Variants in PDE1C observed in about 807,000 individuals in gnomAD.
PDE1C encodes phosphodiesterase 1C.
In PDE1C, 62 loss-of-function variants were observed where a neutral mutation model predicts 93.1. That is an observed-to-expected ratio of 0.67 (90% CI 0.54 to 0.82). The LOEUF is 0.82. PDE1C is among the 40% of genes least tolerant of loss of function. The pLI is 0.00. For synonymous variants in PDE1C, 325 were observed against 310.1 expected (o/e 1.05, Z -0.50); for missense variants, 742 against 884.6 (o/e 0.84, Z 2.04).
intron 2 of PDE1C, among the ~76,000 whole-genome samples, chr7:31,998,923 A>G (rs966370243): frequency 1.3e-5 from 2 of 152,232 alleles, no homozygotes; most frequent in African/African-American, 4.8e-5. Flanking sequence ...GTCACAGCTG[A>G]GGTTGCTGTG....
intron 2 of PDE1C, among the ~76,000 whole-genome samples, chr7:32,207,454 A>T (rs1325904410): frequency 1.3e-5 from 2 of 152,194 alleles, no homozygotes; most frequent in Non-Finnish European, 2.9e-5. Flanking sequence ...CAAGGTGGTA[A>T]AGTGAAGTAA....
intron 9 of PDE1C, among the ~76,000 whole-genome samples, chr7:31,843,055 A>G (rs1245647041): frequency 6.6e-6 from 1 of 151,896 alleles, no homozygotes; most frequent in Non-Finnish European, 1.5e-5. Context: ...TATCTTATTG[A>G]TCTCTAATTT....
chr7:32,280,097 T>G (rs775865093), intron 1 of PDE1C, among the ~76,000 whole-genome samples: 1 of 152,112 alleles, frequency 6.6e-6, no homozygotes. Flanking sequence ...AGAAGTAGAT[T>G]TGGGGAGATT....
chr7:32,307,528 C>T (rs966890479), intron 1 of PDE1C, among the ~76,000 whole-genome samples: 8 of 152,178 alleles, frequency 5.3e-5, no homozygotes, highest in Non-Finnish European at 1.0e-4. Context: ...TTGGTAAACA[C>T]AGATACTTTG....
chr7:31,901,215 C>T (rs1347694829), intron 2 of PDE1C, among the ~76,000 whole-genome samples: 1 of 147,738 alleles, frequency 6.8e-6, no homozygotes, highest in African/African-American at 2.5e-5. Flanking sequence ...AAAAATTGAA[C>T]AAAAATTTCA....
chr7:31,712,272 C>CAGTG, the PDE1C span, among the ~76,000 whole-genome samples: 2 of 133,376 alleles, frequency 1.5e-5, no homozygotes, highest in South Asian at 4.7e-4. Context: ...AAAAAATCTA[C>CAGTG]AGTGAGTGAG....
chr7:32,101,295 C>T (rs1798025303), intron 3 of PDE1C, among the ~76,000 whole-genome samples: 1 of 152,098 alleles, frequency 6.6e-6, no homozygotes. Context: ...TATTTCTTGG[C>T]CAAGGACAAT....
At chr7:32,298,761 C>A (rs768911309) in exon 1 of PDE1C, 1 of 1,569,442 alleles carries the variant, frequency 6.4e-7, no homozygotes, top group Non-Finnish European at 8.6e-7. Flanking sequence ...GCAGGGGCCT[C>A]GCAGCGAGAC....
chr7:31,699,086 T>G, the PDE1C span, among the ~76,000 whole-genome samples: 1 of 152,170 alleles, frequency 6.6e-6, no homozygotes, highest in African/African-American at 2.4e-5. Flanking sequence ...AATTAAATAT[T>G]TGGTGCTAAA....
chr7:31,993,702 T>C (rs1431468539), intron 2 of PDE1C, among the ~76,000 whole-genome samples: 2 of 152,044 alleles, frequency 1.3e-5, no homozygotes, highest in Non-Finnish European at 2.9e-5. Flanking sequence ...AAACAAAAGA[T>C]TAAATACAGT....
chr7:31,654,326 T>C, the PDE1C span, among the ~76,000 whole-genome samples: 1 of 152,220 alleles, frequency 6.6e-6, no homozygotes, highest in Non-Finnish European at 1.5e-5. Flanking sequence ...CCAGTGCTGC[T>C]CAGTGCGGTG....
chr7:32,395,456 T>A (rs527980236), intron 1 of PDE1C, among the ~76,000 whole-genome samples: 13 of 151,994 alleles, frequency 8.6e-5, no homozygotes, highest in African/African-American at 3.1e-4. Flanking sequence ...GAGGAAATAA[T>A]GTGATTCCAT....
the PDE1C span, among the ~76,000 whole-genome samples, chr7:31,625,785 G>A: frequency 6.6e-6 from 1 of 151,240 alleles, no homozygotes; most frequent in Admixed American, 6.6e-5. Context: ...AAAAAAAACA[G>A]TTAAAGAATT....
the PDE1C span, among the ~76,000 whole-genome samples, chr7:31,718,613 G>A: frequency 1.3e-5 from 2 of 152,184 alleles, no homozygotes; most frequent in African/African-American, 2.4e-5. Flanking sequence ...GCACCAGAGT[G>A]CTAGGGGCTG....
chr7:32,032,653 T>C (rs1464245142), intron 2 of PDE1C, among the ~76,000 whole-genome samples: 2 of 152,136 alleles, frequency 1.3e-5, no homozygotes, highest in African/African-American at 4.8e-5. Context: ...TACCATCTTA[T>C]GGTCACATGC....
the PDE1C span, among the ~76,000 whole-genome samples, chr7:31,685,109 G>C: frequency 6.6e-6 from 1 of 150,994 alleles, no homozygotes; most frequent in Non-Finnish European, 1.5e-5. Context: ...GATCTCTAGG[G>C]AATAATGCTG....
chr7:31,969,465 T>G (rs1810573171), intron 2 of PDE1C, among the ~76,000 whole-genome samples: 1 of 152,054 alleles, frequency 6.6e-6, no homozygotes. Context: ...CCAGTTAGAA[T>G]GGTGATCATT....
intron 1 of PDE1C, among the ~76,000 whole-genome samples, chr7:32,410,325 G>A (rs772730146): frequency 1.4e-5 from 2 of 140,514 alleles, no homozygotes; most frequent in Non-Finnish European, 3.0e-5. Flanking sequence ...AGTGAGACCC[G>A]CATCTCTGAA....
the PDE1C span, among the ~76,000 whole-genome samples, chr7:31,704,770 A>T: frequency 3.3e-5 from 5 of 152,200 alleles, no homozygotes; most frequent in Non-Finnish European, 7.3e-5. Flanking sequence ...GTGAGTGCTC[A>T]AGGCTTAATG....
Sources: allele counts gnomAD v4.1 joint callset (sites outside exome capture counted in the v4.1 genomes callset), GRCh38; gene constraint gnomAD v4.1.1; transcripts MANE v1.5; gene names NCBI Gene and HGNC (gene_info 2026-07-23, HGNC 2026-07-21).